The following ERC1 variants were observed in gnomAD, a reference collection of about 807,000 sequenced individuals.
ERC1 encodes ELKS/RAB6-interacting/CAST family member 1.
A neutral mutation model predicts 132.0 loss-of-function variants in ERC1; 56 were observed. The observed-to-expected ratio is 0.42, with a 90% CI of 0.34 to 0.53. The LOEUF (loss-of-function observed/expected upper bound fraction) is 0.53. Ranked by LOEUF, ERC1 falls within the 20% of genes least tolerant of loss-of-function variation. The probability of loss-of-function intolerance (pLI) is 0.03; values close to 1 mark genes in which losing one functional copy is unlikely to be tolerated. For missense variants in ERC1, 1,202 were observed against 1,349.9 expected, an observed-to-expected ratio of 0.89 and a Z score of 1.72; for synonymous variants, 478 against 476.1, an observed-to-expected ratio of 1.00 and a Z score of -0.05.
chr12:1,094,045 G>A (rs1278853162), intron 3 of ERC1, among the ~76,000 whole-genome samples: 11 of 134,162 alleles, frequency 8.2e-5, no homozygotes, highest in African/African-American at 1.1e-4. Context: ...TTGAGACATA[G>A]TGTGGCTCTG....
At chr12:991,041 A>G (rs1398373069), upstream of ERC1, 1 of 151,556 alleles carries the variant, frequency 6.6e-6, no homozygotes, top group African/African-American at 2.4e-5. Flanking sequence ...CCCGCTTCCC[A>G]GTTCCTCACC....
At chr12:1,284,995 T>C (rs938658934) in intron 14 of ERC1, among the ~76,000 whole-genome samples, 1 of 152,268 alleles carries the variant, frequency 6.6e-6, no homozygotes, top group African/African-American at 2.4e-5. Context: ...ATATAACTTT[T>C]GGCTTTATTT....
chr12:1,436,394 C>T (rs16928428), intron 17 of ERC1, among the ~76,000 whole-genome samples: 6,827 of 152,252 alleles, frequency 0.045, 493 homozygotes, highest in African/African-American at 0.16. Flanking sequence ...ACATCTTTGA[C>T]ATGTTCACAT....
intron 16 of ERC1, chr12:1,380,342 C>T (rs1480006949): frequency 6.6e-6 from 1 of 152,220 alleles, no homozygotes; most frequent in African/African-American, 2.4e-5. Context: ...CCACAGAAAG[C>T]GCATGCATCC....
chr12:1,353,023 C>CTTTTT (rs2085160208), intron 15 of ERC1, among the ~76,000 whole-genome samples: 1 of 134,494 alleles, frequency 7.4e-6, no homozygotes, highest in African/African-American at 2.8e-5. Flanking sequence ...GTCTTCTTTT[C>CTTTTT]TTTTCTTTTT....
Position 1,012,364 on chromosome 12 carries a change from A to G in ERC1, c.-156-15384A>G, listed in dbSNP as rs143719444. ...AGAATGATGTAATTAATATCTGTGT[A>G]TCTACCACCTAGCTTAAGAAATAAA... On this transcript the variant is annotated intron_variant, in intron 1 of 18. Coordinates refer to ENST00000360905, the MANE Select transcript of ERC1 (RefSeq NM_178040.4). 3.9e-3 allele frequency among the ~76,000 whole-genome samples: 587 copies of G among 152,288 alleles called. 3 individuals carry two copies. The highest frequency in any genetic ancestry group is 0.01 in the Middle Eastern group (3 of 294).
intron 12 of ERC1, among the ~76,000 whole-genome samples, chr12:1,205,413 G>A (rs1011044702): frequency 9.0e-5 from 13 of 143,716 alleles, no homozygotes; most frequent in South Asian, 4.4e-4. Context: ...GTGTGTGTGT[G>A]TATATATATA....
chr12:1,470,266 C>G (rs2154427229), intron 18 of ERC1, among the ~76,000 whole-genome samples: 1 of 152,186 alleles, frequency 6.6e-6, no homozygotes, highest in Admixed American at 6.5e-5. Context: ...TGAGCACGTG[C>G]CACTGTGGCT....
At chr12:1,375,229 G>A (rs1173537199) in intron 16 of ERC1, among the ~76,000 whole-genome samples, 1 of 152,198 alleles carries the variant, frequency 6.6e-6, no homozygotes, top group African/African-American at 2.4e-5. Flanking sequence ...AATCATGGCG[G>A]AAGGTGAAGG....
chr12:1,237,781 A>G (rs542206960), intron 13 of ERC1, among the ~76,000 whole-genome samples: 1 of 151,970 alleles, frequency 6.6e-6, no homozygotes, highest in Admixed American at 6.5e-5. Context: ...GAAGAATACC[A>G]TAAATGTGCT....
chr12:1,209,615 G>A (rs928831185), intron 12 of ERC1, among the ~76,000 whole-genome samples: 5 of 152,054 alleles, frequency 3.3e-5, no homozygotes, highest in Non-Finnish European at 7.4e-5. Flanking sequence ...AGATCCTTTA[G>A]AACAGTGCTT....
chr12:1,083,095 C>A, intron 2 of ERC1, 69 bp from the exon 3 acceptor site: 2 of 1,337,992 alleles, frequency 1.5e-6, no homozygotes, highest in Non-Finnish European at 1.0e-6. Flanking sequence ...TTGATTCCTG[C>A]AGGCTGCTCT....
Position 1,211,220 on chromosome 12 carries a change from C to T in ERC1, c.2351+21168C>T, listed in dbSNP as rs901043236. Among the ~76,000 whole-genome samples, 6 of 152,266 alleles carry T rather than the reference C, an allele frequency of 3.9e-5. No individual in the cohort carries two copies. The East Asian group carries it at 7.7e-4, about 20-fold the overall frequency. On this transcript the variant is annotated intron_variant, in intron 12 of 18. Coordinates refer to ENST00000360905, the MANE Select transcript of ERC1 (RefSeq NM_178040.4). The stretch of plus-strand genomic sequence containing the variant: ...CTGGAGTGCAATGGCACAATCTCGG[C>T]TTACCGCAACCTCCGCCTCCTGTTT...
At chr12:1,403,542 A>G (rs1343109855) in intron 16 of ERC1, among the ~76,000 whole-genome samples, 1 of 152,208 alleles carries the variant, frequency 6.6e-6, no homozygotes, top group Non-Finnish European at 1.5e-5. Context: ...TACTAGACCT[A>G]GGAACACTAA....
chr12:1,027,907 T>G lies in ERC1; in HGVS notation c.4T>G (p.Tyr2Asp). The G allele has an allele frequency of 6.2e-7, 1 of 1,601,504 alleles. No individual in the cohort carries two copies. The highest frequency in any genetic ancestry group is 8.5e-7 in the Non-Finnish European group (1 of 1,171,750). Residue 2 changes from tyrosine to aspartate, a missense_variant, in exon 2 of 19, where the codon TAT (tyrosine) becomes GAT (aspartate). Physicochemically the swap from Tyr to Asp is radical, Grantham distance 160. Transcript: ENST00000360905. M[Y>D]GSARSVGKVE... The stretch of plus-strand genomic sequence containing the variant: ...CACCTTTCCTGACCTTGCAACCATG[T>G]ATGGAAGTGCCCGCTCTGTTGGGAA...
At chr12:1,327,499 G>T (rs536457368) in intron 15 of ERC1, among the ~76,000 whole-genome samples, 2 of 152,282 alleles carry the variant, frequency 1.3e-5, no homozygotes, top group East Asian at 3.9e-4. Context: ...ATCTTGGGTT[G>T]TTTCAGTACT....
intron 14 of ERC1, among the ~76,000 whole-genome samples, chr12:1,287,047 TAATG>T (rs1276134739): frequency 2.0e-5 from 3 of 152,316 alleles, no homozygotes; most frequent in South Asian, 4.1e-4. Context: ...ATAATTAAGA[TAATG>T]AATGTAGTAT....
In ERC1 at chr12:1,438,277, A is replaced by G. The variant is rs7310286; in HGVS notation, c.3025-6285A>G. 1.1e-3 allele frequency among the ~76,000 whole-genome samples: 165 copies of G among 152,348 alleles called. 1 individual carries two copies. The highest frequency in any genetic ancestry group is 3.8e-3 in the African/African-American group (157 of 41,584). The stretch of plus-strand genomic sequence containing the variant: ...AAAGACTTTGAGGCAGAATTAATGA[A>G]TTTTATTTTCTCGCATCTTTTACTT... On this transcript the variant is annotated intron_variant, in intron 17 of 18. Coordinates refer to ENST00000360905, the MANE Select transcript of ERC1 (RefSeq NM_178040.4).
chr12:1,358,942 A>G (rs181266406), intron 15 of ERC1, among the ~76,000 whole-genome samples: 1 of 150,702 alleles, frequency 6.6e-6, no homozygotes, highest in East Asian at 1.9e-4. Flanking sequence ...TTGGCATGAC[A>G]TAAATCTTCT....
Sources: allele counts gnomAD v4.1 joint callset (sites outside exome capture counted in the v4.1 genomes callset), GRCh38; gene constraint gnomAD v4.1.1; transcripts MANE v1.5; gene names NCBI Gene and HGNC (gene_info 2026-07-23, HGNC 2026-07-21).